The following ORC5 variants were observed in gnomAD, a reference collection of about 807,000 sequenced individuals.
ORC5 encodes origin recognition complex subunit 5.
A neutral mutation model predicts 58.8 loss-of-function variants in ORC5; 39 were observed. That is an observed-to-expected ratio of 0.66 (90% confidence interval 0.51 to 0.87). The LOEUF (loss-of-function observed/expected upper bound fraction) is 0.87, where lower values mean the gene tolerates loss of function less well. Among genes scored for constraint, ORC5 ranks in the 40% least tolerant of loss-of-function variants. The probability of loss-of-function intolerance (pLI) is 0.00; values close to 1 mark genes in which losing one functional copy is unlikely to be tolerated. For synonymous variants in ORC5, 218 were observed against 177.6 expected, an observed-to-expected ratio of 1.23 and a Z score of -1.81; for missense variants, 493 against 506.3, an observed-to-expected ratio of 0.97 and a Z score of 0.25.
At chr7:104,167,012 A>G in intron 9 of ORC5, 128 bp from the exon 10 acceptor site, 1 of 587,874 alleles carries the variant, frequency 1.7e-6, no homozygotes, top group South Asian at 2.2e-5. Flanking sequence ...CTTATTTTAA[A>G]AAGTGTCATG....
intron 8 of ORC5, among the ~76,000 whole-genome samples, chr7:104,179,652 GTTTTT>G (rs954271948): frequency 7.0e-6 from 1 of 143,726 alleles, no homozygotes. Flanking sequence ...TTTTTTTGTT[GTTTTT>G]TTTTTCTGTT....
intron 8 of ORC5, among the ~76,000 whole-genome samples, 185 bp downstream of exon 8, chr7:104,183,758 C>T (rs1302400871): frequency 6.6e-6 from 1 of 152,190 alleles, no homozygotes; most frequent in East Asian, 1.9e-4. Context: ...CCTTTAAAAA[C>T]CTTGTCTTCC....
chr7:104,156,134 C>G (rs2115830636), intron 12 of ORC5, among the ~76,000 whole-genome samples: 1 of 151,598 alleles, frequency 6.6e-6, no homozygotes, highest in African/African-American at 2.4e-5. Flanking sequence ...CCATGAAGTT[C>G]AGGCATACAT....
At chr7:104,127,429 C>T (rs968704148) in intron 13 of ORC5, among the ~76,000 whole-genome samples, 2 of 152,072 alleles carry the variant, frequency 1.3e-5, no homozygotes, top group East Asian at 3.9e-4. Context: ...ATACAACAAA[C>T]AGATGATGTG....
chr7:104,131,919 T>C (rs1447281369), intron 13 of ORC5, among the ~76,000 whole-genome samples: 3 of 151,186 alleles, frequency 2.0e-5, no homozygotes, highest in Non-Finnish European at 4.4e-5. Context: ...AATAAATAAG[T>C]AAATAAATGA....
chr7:104,163,334 C>T (rs1423260434), intron 11 of ORC5, among the ~76,000 whole-genome samples: 1 of 152,206 alleles, frequency 6.6e-6, no homozygotes, highest in Non-Finnish European at 1.5e-5. Flanking sequence ...CCTAGTCTTT[C>T]ACCTTCTTTC....
chr7:104,143,129 AT>A (rs2115777790), intron 12 of ORC5, among the ~76,000 whole-genome samples: 1 of 152,132 alleles, frequency 6.6e-6, no homozygotes, highest in African/African-American at 2.4e-5. Context: ...ATTGAACTCT[AT>A]TATTAAAGGC....
intron 4 of ORC5, among the ~76,000 whole-genome samples, chr7:104,196,140 T>TA (rs2116057829): frequency 6.6e-6 from 1 of 152,234 alleles, no homozygotes; most frequent in Admixed American, 6.5e-5. Flanking sequence ...TAATTGAAAC[T>TA]AAAAAACGGT....
intron 3 of ORC5, among the ~76,000 whole-genome samples, chr7:104,198,614 G>A (rs931425282): frequency 2.0e-5 from 3 of 152,202 alleles, no homozygotes; most frequent in African/African-American, 7.2e-5. Context: ...ATCTAAAACT[G>A]GAACTTACAT....
chr7:104,134,916 T>C (rs925901756), intron 13 of ORC5, among the ~76,000 whole-genome samples: 4 of 151,992 alleles, frequency 2.6e-5, no homozygotes, highest in African/African-American at 9.7e-5. Flanking sequence ...ATATTGCCCA[T>C]GGGAAGTAGG....
intron 11 of ORC5, among the ~76,000 whole-genome samples, chr7:104,163,352 T>A (rs910442012): frequency 1.3e-5 from 2 of 152,242 alleles, no homozygotes; most frequent in East Asian, 1.9e-4. Context: ...TTCCCTTTAG[T>A]GGCAACTTCA....
chr7:104,207,671 G>C (rs776548147), intron 1 of ORC5, among the ~76,000 whole-genome samples, 162 bp downstream of exon 1: 1 of 152,208 alleles, frequency 6.6e-6, no homozygotes, highest in Non-Finnish European at 1.5e-5. Context: ...ATTCGGAAGA[G>C]ACTGTGGGTG....
chr7:104,193,731 AC>A (rs1216225193), intron 5 of ORC5, among the ~76,000 whole-genome samples: 2 of 150,948 alleles, frequency 1.3e-5, no homozygotes, highest in Admixed American at 6.6e-5. Context: ...AAAAAAAAAA[AC>A]AAAACTGAAT....
chr7:104,206,973 T>C (rs3779517), intron 1 of ORC5, among the ~76,000 whole-genome samples: 30,642 of 152,080 alleles, frequency 0.2, 3,269 homozygotes, highest in African/African-American at 0.26. Flanking sequence ...TTCACAGGGA[T>C]TAAATTGCCT....
intron 3 of ORC5, among the ~76,000 whole-genome samples, chr7:104,199,384 T>C (rs1406119894): frequency 2.6e-5 from 4 of 152,048 alleles, no homozygotes; most frequent in Non-Finnish European, 4.4e-5. Flanking sequence ...CTTGCATCAG[T>C]GGGCTGGATG....
intron 6 of ORC5, 39 bp from the exon 7 acceptor site, chr7:104,184,210 T>C (rs756426224): frequency 1.4e-5 from 17 of 1,241,986 alleles, no homozygotes; most frequent in South Asian, 9.5e-5. Flanking sequence ...AAAAAAGCAC[T>C]GATCGATCAC....
intron 13 of ORC5, among the ~76,000 whole-genome samples, chr7:104,134,416 C>CAAAA (rs1170848776): frequency 7.7e-5 from 4 of 51,800 alleles, no homozygotes; most frequent in African/African-American, 1.4e-4. Context: ...CACTCCATCT[C>CAAAA]AAAAAAAAAA....
chr7:104,146,170 T>C (rs1270640133), intron 12 of ORC5, among the ~76,000 whole-genome samples: 1 of 152,208 alleles, frequency 6.6e-6, no homozygotes, highest in Non-Finnish European at 1.5e-5. Flanking sequence ...TAACACCTTC[T>C]GATACTCAAG....
Position 104,200,904 on chromosome 7 carries a change from C to T in ORC5, c.220G>A (p.Glu74Lys). ...VECFTLRLLLEQILNKLNHLS... is the reference protein window; with the variant it reads ...VECFTLRLLLKQILNKLNHLS... ...TGATTCAATTTGTTTAAAATTTGTT[C>T]CAAAAGCAGCCTCAATGTAAAGCAT... Residue 74 changes from glutamate (E) to lysine (K), a missense_variant, in exon 3 of 14, where the codon GAA (glutamate) becomes AAA (lysine). Glu to Lys is a moderately conservative substitution (Grantham distance 56). Around this residue, in one of 3 missense-constraint regions of ORC5, gnomAD observed 412 missense variants for 403.7 expected, o/e 1.02. Transcript: ENST00000297431. The T allele has an allele frequency of 6.2e-7, 1 of 1,613,626 alleles. No homozygotes were observed.
Sources: gnomAD v4.1 joint callset for allele counts (sites outside exome capture counted in the v4.1 genomes callset) on GRCh38, gnomAD v4.1.1 for gene constraint, gnomAD v4.1.1 regional missense constraint, MANE v1.5 for transcripts, NCBI Gene and HGNC (gene_info 2026-07-23, HGNC 2026-07-21) for gene names.